Variants in FYB2 observed in about 807,000 individuals in gnomAD.
FYB2 encodes FYN-binding protein 2.
FYB2 carries 103 observed loss-of-function variants against 94.1 expected under a neutral mutation model. That is an observed-to-expected ratio of 1.09 (90% CI 0.93 to 1.29). The LOEUF (loss-of-function observed/expected upper bound fraction) is 1.29, where lower values mean the gene tolerates loss of function less well. Ranked by LOEUF, FYB2 falls within the 50% of genes most tolerant of loss-of-function variation. The pLI is 0.00. For missense variants in FYB2, 896 were observed against 841.5 expected (o/e 1.06, Z -0.80); for synonymous variants, 293 against 287.9 (o/e 1.02, Z -0.18).
intron 1 of FYB2, among the ~76,000 whole-genome samples, chr1:56,817,109 G>A (rs941154719): frequency 6.6e-6 from 1 of 152,142 alleles, no homozygotes; most frequent in South Asian, 2.1e-4. Flanking sequence ...TTGCGTCATT[G>A]CCTGGTCCAC....
rs771712011 is a variant in FYB2, at chr1:56,789,110, T to A, written c.782A>T (p.His261Leu). The A allele has an allele frequency of 6.9e-6, 11 of 1,598,934 alleles. No individual in the cohort carries two copies. Among genetic ancestry groups the A allele is most frequent in the Non-Finnish European group, 8.5e-6 (10 of 1,173,300 alleles). ...CAATGGCTTTGTTTTGGGAAGGTGG[T>A]GATGCCTGACATCTGGCTGTTTTTC... Reference protein sequence around the residue: ...APEKQPDVRHHHLPKTKPLPS... With the variant: ...APEKQPDVRHLHLPKTKPLPS... Residue 261 changes from histidine (H) to leucine (L), a missense_variant, in exon 3 of 20, where the codon CAC becomes CTC. Physicochemically the swap from His to Leu is moderately conservative, Grantham distance 99. Coordinates refer to ENST00000343433, the MANE Select transcript of FYB2 (RefSeq NM_001004303.5).
At chr1:56,783,618 G>A (rs186002006) in intron 4 of FYB2, among the ~76,000 whole-genome samples, 46 of 152,230 alleles carry the variant, frequency 3.0e-4, no homozygotes, top group East Asian at 5.8e-4. Flanking sequence ...TTAGACATAC[G>A]GTTGAGAGTT....
chr1:56,815,373 G>A (rs1646859994), intron 1 of FYB2, among the ~76,000 whole-genome samples: 1 of 152,070 alleles, frequency 6.6e-6, no homozygotes, highest in African/African-American at 2.4e-5. Context: ...ATCAAAGCTT[G>A]TGCCTTCCTC....
Position 56,742,265 on chromosome 1 carries a change from A to G in FYB2, c.1544-44T>C, listed in dbSNP as rs760921651. On this transcript the variant is annotated intron_variant, in intron 11 of 19. Transcript: ENST00000343433. ...CCTACTTATATTCATTATAATAGCA[A>G]TAGTTCAGATTCATATTTAACAAAA... 9.2e-6 allele frequency: 13 copies of G among 1,407,964 alleles called. No homozygotes were observed. The Admixed American group carries it at 2.2e-4, about 24-fold the overall frequency. 87.2% of individuals were successfully genotyped at this position (1,407,964 alleles called of 1,614,324 possible).
intron 1 of FYB2, among the ~76,000 whole-genome samples, chr1:56,816,531 C>G (rs1485756013): frequency 6.6e-6 from 1 of 152,152 alleles, no homozygotes; most frequent in East Asian, 1.9e-4. Context: ...TGATTTCAAC[C>G]AAGGGATGGG....
chr1:56,799,092 A>C (rs1646464208), intron 1 of FYB2, among the ~76,000 whole-genome samples: 1 of 152,170 alleles, frequency 6.6e-6, no homozygotes, highest in Non-Finnish European at 1.5e-5. Flanking sequence ...ATGATGTCTT[A>C]ATTAATTTCC....
chr1:56,792,105 G>C lies in FYB2; in HGVS notation c.708C>G (p.Ser236Arg), dbSNP rs138148018. 1.1e-5 allele frequency: 17 copies of C among 1,610,080 alleles called. No individual in the cohort carries two copies. The African/African-American group carries it at 2.1e-4, about 20-fold the overall frequency. The part of the protein sequence containing the change: ...ENPPPERSPA[S>R]SPCQPIYECE... ...ACTCATAGATGGGCTGGCAGGGGCT[G>C]CTTGCCGGGCTCCTCTCAGGAGGTG... Residue 236 changes from serine to arginine, a missense_variant, in exon 2 of 20, where the codon AGC (serine) becomes AGG (arginine). Ser to Arg is a moderately radical substitution (Grantham distance 110, BLOSUM62 -1). Coordinates refer to ENST00000343433, the MANE Select transcript of FYB2 (RefSeq NM_001004303.5).
At chr1:56,765,982 C>T (rs1304522643) in intron 5 of FYB2, among the ~76,000 whole-genome samples, 1 of 152,090 alleles carries the variant, frequency 6.6e-6, no homozygotes, top group Non-Finnish European at 1.5e-5. Flanking sequence ...TCACGTGGTC[C>T]AGAGAGAGAA....
intron 1 of FYB2, among the ~76,000 whole-genome samples, chr1:56,814,896 C>T (rs147166315): frequency 1.2e-3 from 190 of 152,236 alleles, no homozygotes; most frequent in African/African-American, 4.3e-3. Context: ...ACATTTAGAC[C>T]TGGGTTCTGT....
At chr1:56,819,420 C>A, upstream of FYB2, 1 of 1,322,446 alleles carries the variant, frequency 7.6e-7, no homozygotes, top group East Asian at 2.4e-5. Context: ...ACACCTGAGC[C>A]CAGGCTCCCC....
chr1:56,737,066 C>G, intron 15 of FYB2, 21 bp downstream of exon 15: 1 of 1,554,560 alleles, frequency 6.4e-7, no homozygotes. Flanking sequence ...GCAGGGATGA[C>G]CAATAAGGTA....
chr1:56,810,937 C>G (rs1322894578), intron 1 of FYB2, among the ~76,000 whole-genome samples: 2 of 152,190 alleles, frequency 1.3e-5, no homozygotes, highest in African/African-American at 4.8e-5. Context: ...TATTTACCAT[C>G]TTTTATTATC....
At chr1:56,791,124 G>C (rs1004295462) in intron 2 of FYB2, among the ~76,000 whole-genome samples, 1 of 152,068 alleles carries the variant, frequency 6.6e-6, no homozygotes, top group East Asian at 1.9e-4. Flanking sequence ...ACCATACAAG[G>C]TTGTAAGGAG....
At chr1:56,723,204 G>C (rs1044668443) in intron 17 of FYB2, among the ~76,000 whole-genome samples, 2 of 149,308 alleles carry the variant, frequency 1.3e-5, no homozygotes, top group African/African-American at 4.9e-5. Context: ...AAGATTCACA[G>C]ACACACACAC....
chr1:56,737,278 T>TA, intron 14 of FYB2, 131 bp from the exon 15 acceptor site: 1 of 573,374 alleles, frequency 1.7e-6, no homozygotes, highest in Non-Finnish European at 3.0e-6. Flanking sequence ...AATCTGATCA[T>TA]AAAATACAGA....
chr1:56,789,487 C>G (rs1429700627), intron 2 of FYB2, among the ~76,000 whole-genome samples: 1 of 152,174 alleles, frequency 6.6e-6, no homozygotes, highest in African/African-American at 2.4e-5. Context: ...ATTTAGATAG[C>G]CTTAAAAAGC....
chr1:56,759,306 A>G (rs1357520285), intron 5 of FYB2, among the ~76,000 whole-genome samples: 6 of 152,152 alleles, frequency 3.9e-5, no homozygotes, highest in Non-Finnish European at 2.9e-5. Flanking sequence ...AACAATGGGG[A>G]TCTGTTCTGA....
chr1:56,757,672 C>CT (rs199894349), intron 6 of FYB2, among the ~76,000 whole-genome samples: 10 of 98,508 alleles, frequency 1.0e-4, no homozygotes, highest in African/African-American at 3.8e-4. Context: ...TCTTTCTTTC[C>CT]TCTTTCCTTC....
At chr1:56,761,247 AT>A (rs1425187017) in intron 5 of FYB2, among the ~76,000 whole-genome samples, 1 of 152,158 alleles carries the variant, frequency 6.6e-6, no homozygotes, top group Non-Finnish European at 1.5e-5. Context: ...AGAAACTAAC[AT>A]TTTTTATACT....
Sources: allele counts gnomAD v4.1 joint callset (sites outside exome capture counted in the v4.1 genomes callset), GRCh38; gene constraint gnomAD v4.1.1; transcripts MANE v1.5; gene names NCBI Gene and HGNC (gene_info 2026-07-23, HGNC 2026-07-21).